NEGR1: variants seen among roughly 807,000 people sequenced by gnomAD.
NEGR1 encodes the protein IgLON family member 4.
NEGR1 carries 10 observed loss-of-function variants against 40.9 expected under a neutral mutation model. The observed-to-expected ratio is 0.24, with a 90% CI of 0.15 to 0.42. NEGR1 has a LOEUF of 0.42. Ranked by LOEUF, NEGR1 falls within the 10% of genes least tolerant of loss-of-function variation. The probability of loss-of-function intolerance (pLI) is 1.00; values close to 1 mark genes in which losing one functional copy is unlikely to be tolerated. For missense variants in NEGR1, 352 were observed against 438.9 expected, an observed-to-expected ratio of 0.80 and a Z score of 1.77; for synonymous variants, 185 against 166.8, an observed-to-expected ratio of 1.11 and a Z score of -0.84.
At chr1:71,582,904 C>G (rs954398503) in intron 6 of NEGR1, among the ~76,000 whole-genome samples, 1 of 152,114 alleles carries the variant, frequency 6.6e-6, no homozygotes, top group Non-Finnish European at 1.5e-5. Flanking sequence ...TAGGCTGCAA[C>G]TTAAATCAAT....
intron 5 of NEGR1, among the ~76,000 whole-genome samples, chr1:71,603,255 C>A (rs1234387186): frequency 6.6e-6 from 1 of 152,172 alleles, no homozygotes; most frequent in African/African-American, 2.4e-5. Context: ...TTCTAGTACT[C>A]TTCTAAATCA....
At chr1:71,763,287 C>T (rs1487353463) in intron 3 of NEGR1, among the ~76,000 whole-genome samples, 1 of 152,062 alleles carries the variant, frequency 6.6e-6, no homozygotes, top group Non-Finnish European at 1.5e-5. Context: ...TATGCCACCG[C>T]TTGTGTGGAA....
At chr1:71,955,643 T>C (rs1479187992) in intron 1 of NEGR1, among the ~76,000 whole-genome samples, 1 of 152,200 alleles carries the variant, frequency 6.6e-6, no homozygotes, top group Non-Finnish European at 1.5e-5. Flanking sequence ...CAGCAAATTT[T>C]ACTAGTTTTA....
chr1:71,918,611 T>C (rs1301666596), intron 2 of NEGR1, among the ~76,000 whole-genome samples: 1 of 152,140 alleles, frequency 6.6e-6, no homozygotes, highest in Non-Finnish European at 1.5e-5. Flanking sequence ...GGTAAATTTA[T>C]GTTACCTTGA....
intron 1 of NEGR1, among the ~76,000 whole-genome samples, chr1:72,173,729 T>G (rs1391176488): frequency 6.6e-6 from 1 of 151,990 alleles, no homozygotes; most frequent in Admixed American, 6.6e-5. Context: ...TCACCTGAGG[T>G]GAGGAGTTCG....
chr1:71,987,691 C>A (rs532130370), intron 1 of NEGR1, among the ~76,000 whole-genome samples: 3 of 152,296 alleles, frequency 2.0e-5, no homozygotes, highest in Admixed American at 6.5e-5. Flanking sequence ...GAAATAAACA[C>A]CCCCATTTGT....
At chr1:71,599,001 G>T (rs1005697407) in intron 5 of NEGR1, among the ~76,000 whole-genome samples, 1 of 152,180 alleles carries the variant, frequency 6.6e-6, no homozygotes, top group African/African-American at 2.4e-5. Context: ...GTACTATAGT[G>T]TTGGATTCTG....
intron 1 of NEGR1, among the ~76,000 whole-genome samples, chr1:72,005,639 C>T (rs949456544): frequency 5.3e-5 from 8 of 152,068 alleles, no homozygotes; most frequent in Non-Finnish European, 7.4e-5. Context: ...CTCTCCAAAT[C>T]TTGGCAATAA....
At chr1:72,117,990 T>C (rs1649645387) in intron 1 of NEGR1, among the ~76,000 whole-genome samples, 1 of 151,748 alleles carries the variant, frequency 6.6e-6, no homozygotes, top group Non-Finnish European at 1.5e-5. Context: ...GGGGATGAAA[T>C]GGAAGGAAGT....
At chr1:72,206,028 T>C (rs1426236245) in intron 1 of NEGR1, among the ~76,000 whole-genome samples, 1 of 150,564 alleles carries the variant, frequency 6.6e-6, no homozygotes, top group African/African-American at 2.4e-5. Flanking sequence ...GATACAGAAA[T>C]GAATAAGATA....
intron 1 of NEGR1, among the ~76,000 whole-genome samples, chr1:72,157,544 T>C (rs891863202): frequency 1.3e-5 from 2 of 152,168 alleles, no homozygotes. Context: ...GTGCCCCTTG[T>C]AAGGCTGTCT....
intron 1 of NEGR1, among the ~76,000 whole-genome samples, chr1:71,967,849 G>A (rs1646223023): frequency 6.6e-6 from 1 of 152,126 alleles, no homozygotes; most frequent in South Asian, 2.1e-4. Flanking sequence ...AGGGGAAGTG[G>A]TTGCACAGAC....
chr1:72,166,498 A>G (rs186812775), intron 1 of NEGR1, among the ~76,000 whole-genome samples: 37 of 152,278 alleles, frequency 2.4e-4, no homozygotes, highest in Non-Finnish European at 4.0e-4. Context: ...TTGCTGCGCT[A>G]TTCACAATAG....
intron 1 of NEGR1, among the ~76,000 whole-genome samples, chr1:72,090,716 C>T (rs551956764): frequency 1.3e-4 from 20 of 152,086 alleles, no homozygotes; most frequent in African/African-American, 4.3e-4. Context: ...AAAACGAGCA[C>T]AGTCTCGGCA....
chr1:71,994,623 C>G (rs1646487358), intron 1 of NEGR1, among the ~76,000 whole-genome samples: 1 of 151,560 alleles, frequency 6.6e-6, no homozygotes, highest in African/African-American at 2.4e-5. Context: ...TGAAGTAGAA[C>G]AGTCAAGTAT....
intron 1 of NEGR1, among the ~76,000 whole-genome samples, chr1:72,185,885 G>A (rs1043113769): frequency 2.6e-5 from 4 of 151,810 alleles, no homozygotes; most frequent in South Asian, 2.1e-4. Context: ...CAACTTAAAG[G>A]CTACACAAAT....
chr1:71,494,263 A>T (rs1184619301), intron 6 of NEGR1, among the ~76,000 whole-genome samples: 3 of 152,132 alleles, frequency 2.0e-5, no homozygotes, highest in Admixed American at 2.0e-4. Flanking sequence ...AGGTTGCCTG[A>T]CTTTTGTGAG....
At chr1:72,082,725 A>C (rs1648056957) in intron 1 of NEGR1, among the ~76,000 whole-genome samples, 1 of 152,036 alleles carries the variant, frequency 6.6e-6, no homozygotes, top group African/African-American at 2.4e-5. Context: ...AAAAAAAAAA[A>C]AACTAATGGG....
rs958913318 is a variant in NEGR1, at chr1:71,437,564, G to T, written c.941-29994C>A. Among the ~76,000 whole-genome samples the T allele has an allele frequency of 2.6e-5, 4 of 152,152 alleles. No homozygotes were observed. The Middle Eastern group carries it at 0.01, about 388-fold the overall frequency. On this transcript the variant is annotated intron_variant, in intron 6 of 6. Coordinates refer to ENST00000357731, the MANE Select transcript of NEGR1 (RefSeq NM_173808.3). Reference sequence around the variant, plus strand: ...TATCAGCAAGTCAAGAAATTCAGGTGCTTGTATGCTAAATTTCTTATGAAA... The same window carrying T: ...TATCAGCAAGTCAAGAAATTCAGGTTCTTGTATGCTAAATTTCTTATGAAA...
Sources: allele counts gnomAD v4.1 joint callset (sites outside exome capture counted in the v4.1 genomes callset), GRCh38; gene constraint gnomAD v4.1.1; transcripts MANE v1.5; gene names NCBI Gene and HGNC (gene_info 2026-07-23, HGNC 2026-07-21).